DCC: variants seen among roughly 807,000 people sequenced by gnomAD.
DCC encodes netrin receptor DCC.
A neutral mutation model predicts 172.5 loss-of-function variants in DCC; 58 were observed. That is an observed-to-expected ratio of 0.34 (90% CI 0.27 to 0.42). DCC has a LOEUF of 0.42. Ranked by LOEUF, DCC falls within the 10% of genes least tolerant of loss-of-function variation. The pLI, the probability that DCC is intolerant of heterozygous loss-of-function variation, is 1.00. For missense variants in DCC, 1,740 were observed against 1,791.0 expected (o/e 0.97, Z 0.51); for synonymous variants, 709 against 644.5 (o/e 1.10, Z -1.52).
intron 10 of DCC, among the ~76,000 whole-genome samples, chr18:53,207,361 G>A (rs770813421): frequency 7.9e-5 from 12 of 152,154 alleles, no homozygotes; most frequent in Non-Finnish European, 1.6e-4. Context: ...CTGTTCCCAT[G>A]GCGTTATAAG....
chr18:53,151,682 T>C (rs2054643909), intron 7 of DCC, among the ~76,000 whole-genome samples: 1 of 152,114 alleles, frequency 6.6e-6, no homozygotes, highest in South Asian at 2.1e-4. Context: ...TTTTATGGAG[T>C]ACATTAAGTT....
intron 23 of DCC, among the ~76,000 whole-genome samples, chr18:53,453,619 A>T (rs1415523796): frequency 6.6e-6 from 1 of 152,168 alleles, no homozygotes; most frequent in African/African-American, 2.4e-5. Flanking sequence ...TAGGCTATCC[A>T]GTTGATTCAG....
chr18:53,088,210 C>T (rs1475753312), intron 7 of DCC, among the ~76,000 whole-genome samples: 11 of 152,140 alleles, frequency 7.2e-5, no homozygotes, highest in African/African-American at 1.2e-4. Context: ...GCCATTTTCA[C>T]GATATTGATT....
chr18:52,362,467 G>A, intron 1 of DCC, among the ~76,000 whole-genome samples: 1 of 152,200 alleles, frequency 6.6e-6, no homozygotes, highest in Non-Finnish European at 1.5e-5. Context: ...ATAAGTGTAG[G>A]ACCTGTCCAA....
chr18:53,118,734 A>G (rs2043441875), intron 7 of DCC, among the ~76,000 whole-genome samples: 1 of 151,826 alleles, frequency 6.6e-6, no homozygotes, highest in African/African-American at 2.4e-5. Context: ...GTAAAAATAT[A>G]GGTCATTATC....
rs199929963 is a variant in DCC, at chr18:53,147,011, CA to C, written c.1262-10344del. Among the ~76,000 whole-genome samples the C allele has an allele frequency of 7.4e-3, 1,128 of 151,986 alleles. 16 individuals are homozygous for C. The highest frequency in any genetic ancestry group is 0.025 in the African/African-American group (1,018 of 41,436). ...TTAATATTGTTCTATTTAGAGTGACCAGGGGGAATACTGACTTTGATGCACA... is the reference window on the plus strand; with the variant it reads ...TTAATATTGTTCTATTTAGAGTGACCGGGGGAATACTGACTTTGATGCACA... On this transcript the variant is annotated intron_variant, in intron 7 of 28. Transcript: ENST00000442544.
chr18:52,468,393 T>C (rs886795616), intron 1 of DCC, among the ~76,000 whole-genome samples: 1 of 152,196 alleles, frequency 6.6e-6, no homozygotes, highest in Non-Finnish European at 1.5e-5. Flanking sequence ...AAGTGAATCT[T>C]TCAAACTCAT....
In DCC at chr18:52,518,661, G is replaced by T. The variant is rs114377512; in HGVS notation, c.91+177783G>T. Among the ~76,000 whole-genome samples the T allele has an allele frequency of 1.1e-3, 166 of 152,292 alleles. 1 individual carries two copies. Among genetic ancestry groups the T allele is most frequent in the African/African-American group, 3.7e-3 (152 of 41,564 alleles). ...AAATGAGCCGGCATGATGAATATTT[G>T]TCTGTTCTCACTTTCTCTTCTCTGT... On this transcript the variant is annotated intron_variant, in intron 1 of 28. Coordinates refer to ENST00000442544, the MANE Select transcript of DCC (RefSeq NM_005215.4).
intron 5 of DCC, among the ~76,000 whole-genome samples, chr18:52,928,978 G>A (rs1054899255): frequency 6.6e-6 from 1 of 151,996 alleles, no homozygotes; most frequent in East Asian, 1.9e-4. Flanking sequence ...GAGAATTGTA[G>A]GTGAAAGGAG....
At chr18:52,818,857 C>CTAGT (rs905768733) in intron 2 of DCC, among the ~76,000 whole-genome samples, 8 of 152,210 alleles carry the variant, frequency 5.3e-5, no homozygotes, top group African/African-American at 1.7e-4. Flanking sequence ...ATGACAGTGG[C>CTAGT]TAGTTAGAGA....
intron 2 of DCC, among the ~76,000 whole-genome samples, chr18:52,900,281 G>A (rs1424814959): frequency 2.6e-5 from 4 of 152,192 alleles, no homozygotes. Context: ...GGTTACGGCT[G>A]CTTAACAGGC....
At chr18:52,618,073 A>G (rs1172853343) in intron 1 of DCC, among the ~76,000 whole-genome samples, 1 of 152,180 alleles carries the variant, frequency 6.6e-6, no homozygotes, top group East Asian at 1.9e-4. Flanking sequence ...TTGTACAAAT[A>G]TTTTACATTA....
intron 7 of DCC, among the ~76,000 whole-genome samples, chr18:53,131,873 C>T (rs879500133): frequency 6.8e-5 from 10 of 147,518 alleles, no homozygotes; most frequent in African/African-American, 1.2e-4. Context: ...AAAAATAAAT[C>T]GGTGCAAATC....
At chr18:52,765,247 G>T in intron 2 of DCC, among the ~76,000 whole-genome samples, 1 of 131,808 alleles carries the variant, frequency 7.6e-6, no homozygotes, top group Non-Finnish European at 1.6e-5. Flanking sequence ...GGGTCACCAT[G>T]TTGGCCAGGC....
intron 7 of DCC, among the ~76,000 whole-genome samples, chr18:53,078,084 C>A (rs949190450): frequency 5.3e-5 from 8 of 152,078 alleles, no homozygotes; most frequent in African/African-American, 1.9e-4. Flanking sequence ...TAGTGATTTG[C>A]AATGCTATAT....
At chr18:53,206,635 A>G (rs1188740058) in intron 10 of DCC, among the ~76,000 whole-genome samples, 1 of 132,744 alleles carries the variant, frequency 7.5e-6, no homozygotes, top group Non-Finnish European at 1.7e-5. Context: ...ACATATATGT[A>G]TACATATATA....
Position 52,822,638 on chromosome 18 carries a change from A to C in DCC, c.412+70264A>C, listed in dbSNP as rs1393501477. 2.6e-5 allele frequency among the ~76,000 whole-genome samples: 4 copies of C among 152,234 alleles called. No individual in the cohort carries two copies. In the East Asian group the frequency reaches 7.7e-4, roughly 29 times the overall value. On this transcript the variant is annotated intron_variant, in intron 2 of 28. Transcript: ENST00000442544. The stretch of plus-strand genomic sequence containing the variant: ...AGCTGCTACCAGCCACATTCAGCAT[A>C]CTTGGGATCCACAGTTTTAATGAAA...
chr18:52,625,227 A>T (rs1436445077), intron 1 of DCC, among the ~76,000 whole-genome samples: 2 of 152,180 alleles, frequency 1.3e-5, no homozygotes, highest in East Asian at 3.9e-4. Flanking sequence ...GTAGCATATA[A>T]CTACATTATG....
chr18:52,746,640 A>C (rs927484868), intron 1 of DCC, among the ~76,000 whole-genome samples: 2 of 152,190 alleles, frequency 1.3e-5, no homozygotes, highest in African/African-American at 4.8e-5. Flanking sequence ...AAAGGGACCA[A>C]GCTTAGAGAA....
Sources: allele counts gnomAD v4.1 joint callset (sites outside exome capture counted in the v4.1 genomes callset), GRCh38; gene constraint gnomAD v4.1.1; transcripts MANE v1.5; gene names NCBI Gene and HGNC (gene_info 2026-07-23, HGNC 2026-07-21).